SGK3: variants seen among roughly 807,000 people sequenced by gnomAD.
SGK3 encodes the protein serine/threonine-protein kinase Sgk3.
SGK3 carries 47 observed loss-of-function variants against 68.5 expected under a neutral mutation model. That is an observed-to-expected ratio of 0.69 (90% CI 0.54 to 0.87). SGK3 has a LOEUF of 0.87. Ranked by LOEUF, SGK3 falls within the 40% of genes least tolerant of loss-of-function variation. The pLI, the probability that SGK3 is intolerant of heterozygous loss-of-function variation, is 0.00. For synonymous variants in SGK3, 181 were observed against 189.1 expected (o/e 0.96, Z 0.35); for missense variants, 479 against 575.5 (o/e 0.83, Z 1.72).
At chr8:66,732,989 G>A (rs1805213342) in intron 1 of SGK3, among the ~76,000 whole-genome samples, 1 of 152,164 alleles carries the variant, frequency 6.6e-6, no homozygotes, top group African/African-American at 2.4e-5. Context: ...CATATTGGAA[G>A]GCCATTCAGC....
chr8:66,761,409 CACTA>C (rs1328222091), intron 1 of SGK3, among the ~76,000 whole-genome samples: 8 of 152,192 alleles, frequency 5.3e-5, no homozygotes, highest in Non-Finnish European at 8.8e-5. Flanking sequence ...TAGTTCTAGT[CACTA>C]TTGTTTTTGT....
intron 1 of SGK3, among the ~76,000 whole-genome samples, chr8:66,772,968 C>T (rs1185594164): frequency 6.6e-6 from 1 of 152,168 alleles, no homozygotes; most frequent in Non-Finnish European, 1.5e-5. Context: ...AGCCCTGCTA[C>T]ATGGTAACGT....
chr8:66,825,763 A>C (rs959816815), intron 6 of SGK3, among the ~76,000 whole-genome samples: 8 of 152,196 alleles, frequency 5.3e-5, no homozygotes, highest in African/African-American at 1.7e-4. Context: ...CTGTTAATAA[A>C]TTATACCTCA....
intron 1 of SGK3, chr8:66,767,486 A>T: frequency 6.7e-7 from 1 of 1,498,078 alleles, no homozygotes; most frequent in South Asian, 1.1e-5. Flanking sequence ...TTGGATTTCC[A>T]TGGTGGAGAG....
chr8:66,825,489 C>T (rs560787139), intron 6 of SGK3, among the ~76,000 whole-genome samples: 10 of 152,060 alleles, frequency 6.6e-5, no homozygotes, highest in South Asian at 2.1e-4. Flanking sequence ...CTACCATGCC[C>T]GGCTAATTTT....
chr8:66,793,371 C>T (rs73691595), intron 1 of SGK3, among the ~76,000 whole-genome samples: 19,218 of 152,076 alleles, frequency 0.13, 2,279 homozygotes, highest in African/African-American at 0.31. Flanking sequence ...TAGTCCCTAG[C>T]CTACGTGAAC....
At chr8:66,835,150 G>A in intron 8 of SGK3, among the ~76,000 whole-genome samples, 1 of 152,060 alleles carries the variant, frequency 6.6e-6, no homozygotes, top group Non-Finnish European at 1.5e-5. Flanking sequence ...CACGCCTGTA[G>A]TCCCAGCTAT....
intron 1 of SGK3, among the ~76,000 whole-genome samples, chr8:66,753,109 T>C (rs1805871935): frequency 6.6e-6 from 1 of 152,188 alleles, no homozygotes; most frequent in Admixed American, 6.5e-5. Flanking sequence ...CTAACACTTA[T>C]TGGATGCTTG....
At chr8:66,849,486 C>A (rs1290582067) in intron 15 of SGK3, among the ~76,000 whole-genome samples, 1 of 152,102 alleles carries the variant, frequency 6.6e-6, no homozygotes, top group Non-Finnish European at 1.5e-5. Context: ...TCTTGTCCTA[C>A]TCTTTGTCAT....
At position 66,859,835 on chromosome 8, in the gene SGK3, T is replaced by A; in HGVS notation, c.*254T>A. The A allele has an allele frequency of 3.0e-6, 1 of 332,328 alleles. No individual in the cohort carries two copies. Among genetic ancestry groups the A allele is most frequent in the Non-Finnish European group, 5.1e-6 (1 of 194,552 alleles). 20.6% of individuals were successfully genotyped at this position (332,328 alleles called of 1,614,324 possible). On this transcript the variant is annotated 3_prime_UTR_variant, in exon 17 of 17. Coordinates refer to ENST00000521198, the MANE Select transcript of SGK3 (RefSeq NM_001033578.3). ...ATTTAAAAGCTATTATTCTTAGCAT[T>A]AACCTATTTTTAAAGAAACCTTTTT...
chr8:66,783,282 A>T (rs1217041669), intron 1 of SGK3, among the ~76,000 whole-genome samples: 1 of 152,168 alleles, frequency 6.6e-6, no homozygotes, highest in Non-Finnish European at 1.5e-5. Context: ...GTGTCTGTTA[A>T]GGTATTTGGT....
chr8:66,765,275 A>G (rs929372798), intron 1 of SGK3, among the ~76,000 whole-genome samples: 3 of 152,068 alleles, frequency 2.0e-5, no homozygotes, highest in African/African-American at 7.2e-5. Flanking sequence ...TTGGTATCTC[A>G]TTGTGATTTT....
At chr8:66,735,445 T>C (rs531503714) in intron 1 of SGK3, among the ~76,000 whole-genome samples, 6 of 152,326 alleles carry the variant, frequency 3.9e-5, no homozygotes, top group Non-Finnish European at 8.8e-5. Flanking sequence ...AAGTCTCTTC[T>C]CATGCGCTTT....
chr8:66,831,823 C>G (rs953206919), intron 8 of SGK3, among the ~76,000 whole-genome samples: 2 of 152,060 alleles, frequency 1.3e-5, no homozygotes, highest in Non-Finnish European at 1.5e-5. Context: ...TTCACTTATT[C>G]AGAAGGTGTT....
intron 1 of SGK3, among the ~76,000 whole-genome samples, chr8:66,735,188 G>A (rs1805283843): frequency 6.6e-6 from 1 of 152,174 alleles, no homozygotes; most frequent in African/African-American, 2.4e-5. Flanking sequence ...GGCGATCTTG[G>A]AATGTATCCT....
intron 7 of SGK3, among the ~76,000 whole-genome samples, chr8:66,829,718 C>T (rs755187624): frequency 5.3e-5 from 8 of 152,154 alleles, no homozygotes; most frequent in East Asian, 1.9e-4. Flanking sequence ...GAGAGGACAG[C>T]GGGTAGAGAC....
At chr8:66,852,134 T>C (rs1325149975) in intron 16 of SGK3, among the ~76,000 whole-genome samples, 1 of 152,130 alleles carries the variant, frequency 6.6e-6, no homozygotes, top group East Asian at 1.9e-4. Flanking sequence ...TTACAATTTT[T>C]GTGACTTATA....
intron 1 of SGK3, among the ~76,000 whole-genome samples, chr8:66,741,681 A>G (rs981161458): frequency 6.6e-6 from 1 of 152,182 alleles, no homozygotes; most frequent in African/African-American, 2.4e-5. Flanking sequence ...AGCCTGGACA[A>G]CATAGTGAGA....
At chr8:66,767,546 C>T (rs1227614730) in intron 1 of SGK3, 4 of 1,505,886 alleles carry the variant, frequency 2.7e-6, no homozygotes, top group Non-Finnish European at 3.7e-6. Context: ...TTTTCAAGCT[C>T]TCTCTCCTCA....
Sources: allele counts gnomAD v4.1 joint callset (sites outside exome capture counted in the v4.1 genomes callset), GRCh38; gene constraint gnomAD v4.1.1; transcripts MANE v1.5; gene names NCBI Gene and HGNC (gene_info 2026-07-23, HGNC 2026-07-21).